SYN2: variants seen among roughly 807,000 people sequenced by gnomAD.
The protein encoded by SYN2 is synapsin-2.
Under a neutral mutation model 50.9 loss-of-function variants are expected in SYN2, and 19 were observed. The observed-to-expected ratio is 0.37, with a 90% CI of 0.26 to 0.55. SYN2 has a LOEUF of 0.55. Ranked by LOEUF, SYN2 falls within the 20% of genes least tolerant of loss-of-function variation. The probability of loss-of-function intolerance (pLI) is 0.81; values close to 1 mark genes in which losing one functional copy is unlikely to be tolerated. For synonymous variants in SYN2, 255 were observed against 224.9 expected (o/e 1.13, Z -1.20); for missense variants, 587 against 576.4 (o/e 1.02, Z -0.19).
intron 10 of SYN2, among the ~76,000 whole-genome samples, chr3:12,176,828 A>C (rs1698083783): frequency 6.6e-6 from 1 of 152,232 alleles, no homozygotes; most frequent in Non-Finnish European, 1.5e-5. Flanking sequence ...CTGATTCCAA[A>C]AGGCAAATCT....
At chr3:12,121,750 A>G (rs1421991117) in intron 1 of SYN2, among the ~76,000 whole-genome samples, 1 of 151,536 alleles carries the variant, frequency 6.6e-6, no homozygotes, top group African/African-American at 2.4e-5. Context: ...GGAAAGAAGG[A>G]AGGAGAGAGA....
intron 7 of SYN2, among the ~76,000 whole-genome samples, chr3:12,163,167 G>A (rs988276111): frequency 3.3e-5 from 5 of 149,756 alleles, no homozygotes; most frequent in South Asian, 2.1e-4. Flanking sequence ...GCATGAACCC[G>A]GAAGGCAGAG....
At chr3:12,120,379 C>T (rs910384852) in intron 1 of SYN2, among the ~76,000 whole-genome samples, 4 of 152,148 alleles carry the variant, frequency 2.6e-5, no homozygotes, top group Non-Finnish European at 5.9e-5. Flanking sequence ...CAGAGTCTAC[C>T]TCTCCTTCCC....
chr3:12,033,473 G>A (rs888800570), intron 1 of SYN2, among the ~76,000 whole-genome samples: 2 of 151,578 alleles, frequency 1.3e-5, no homozygotes, highest in African/African-American at 2.4e-5. Context: ...ACTAGGGTAC[G>A]AGAGACTAAT....
intron 1 of SYN2, among the ~76,000 whole-genome samples, chr3:12,043,791 C>T (rs564414467): frequency 6.6e-6 from 1 of 152,112 alleles, no homozygotes; most frequent in African/African-American, 2.4e-5. Flanking sequence ...TGTCTTCCCC[C>T]ACGTCTGTAC....
intron 1 of SYN2, among the ~76,000 whole-genome samples, chr3:12,066,773 A>G (rs767572581): frequency 6.6e-6 from 1 of 152,190 alleles, no homozygotes; most frequent in Non-Finnish European, 1.5e-5. Flanking sequence ...ACACTGCTAT[A>G]AAGAACTACC....
At chr3:12,076,180 G>C (rs887732856) in intron 1 of SYN2, among the ~76,000 whole-genome samples, 9 of 152,098 alleles carry the variant, frequency 5.9e-5, no homozygotes, top group Middle Eastern at 6.8e-3. Flanking sequence ...TAAGCGCTGG[G>C]GAAAAGCAGT....
At chr3:12,040,666 A>G (rs993774232) in intron 1 of SYN2, among the ~76,000 whole-genome samples, 6 of 152,038 alleles carry the variant, frequency 3.9e-5, no homozygotes, top group Admixed American at 2.6e-4. Flanking sequence ...TTGTAAGGCC[A>G]TGAGTGTTCT....
intron 7 of SYN2, among the ~76,000 whole-genome samples, chr3:12,166,492 C>G (rs897614897): frequency 1.3e-5 from 2 of 152,184 alleles, no homozygotes; most frequent in Admixed American, 1.3e-4. Context: ...AGTAATCCAC[C>G]TCCTATTTAG....
intron 11 of SYN2, chr3:12,184,399 A>G (rs1698295427): frequency 8.1e-6 from 8 of 985,800 alleles, no homozygotes; most frequent in Non-Finnish European, 9.6e-6. Context: ...TTCCTTGGCA[A>G]TGTTGGACAT....
intron 1 of SYN2, among the ~76,000 whole-genome samples, chr3:12,095,691 G>GGCT (rs1388074588): frequency 4.0e-5 from 6 of 148,524 alleles, no homozygotes; most frequent in South Asian, 4.4e-4. Context: ...CCTACTTGGT[G>GGCT]GCTGCTCTTT....
At chr3:12,148,031 G>A (rs1231786732) in intron 4 of SYN2, among the ~76,000 whole-genome samples, 1 of 152,156 alleles carries the variant, frequency 6.6e-6, no homozygotes, top group East Asian at 1.9e-4. Context: ...GGAGAATGGC[G>A]TGAACCCGGG....
chr3:12,015,576 A>G (rs529514812), intron 1 of SYN2, among the ~76,000 whole-genome samples: 27 of 152,344 alleles, frequency 1.8e-4, no homozygotes, highest in Admixed American at 1.6e-3. Context: ...ATCTTTTTAT[A>G]AAGTGTAAAG....
intron 1 of SYN2, among the ~76,000 whole-genome samples, chr3:12,024,791 G>A (rs1317834664): frequency 6.6e-6 from 1 of 152,044 alleles, no homozygotes; most frequent in Non-Finnish European, 1.5e-5. Context: ...ATTCCTGCTG[G>A]GTGTGTACCC....
At chr3:12,152,095 A>G (rs1217012149) in intron 5 of SYN2, among the ~76,000 whole-genome samples, 1 of 152,158 alleles carries the variant, frequency 6.6e-6, no homozygotes, top group Non-Finnish European at 1.5e-5. Context: ...AAGCATTCCA[A>G]GTGGAACAGA....
At chr3:12,113,914 G>A (rs796122268) in intron 1 of SYN2, among the ~76,000 whole-genome samples, 16 of 152,080 alleles carry the variant, frequency 1.1e-4, no homozygotes, top group East Asian at 5.8e-4. Context: ...GAACATTCAT[G>A]TACAAGTTTT....
chr3:12,110,265 G>A (rs535855090), intron 1 of SYN2, among the ~76,000 whole-genome samples: 5 of 152,238 alleles, frequency 3.3e-5, no homozygotes, highest in South Asian at 4.2e-4. Context: ...TCTCACATCC[G>A]GATCACATGG....
In SYN2 at chr3:12,152,890, C is replaced by A. The variant is rs573453351; in HGVS notation, c.774+1564C>A. Among the ~76,000 whole-genome samples, 6 of 152,234 alleles carry A rather than the reference C, an allele frequency of 3.9e-5. No homozygotes were observed. In the East Asian group the frequency reaches 9.7e-4, roughly 25 times the overall value. On this transcript the variant is annotated intron_variant, in intron 5 of 12. Transcript: ENST00000621198. ...AAAGAGGTGTGCTAACCAGGTGGGA[C>A]CCTCTGCCAGAAATGGTATAGAGGG...
chr3:12,117,734 C>T (rs1202087947), intron 1 of SYN2, among the ~76,000 whole-genome samples: 1 of 152,254 alleles, frequency 6.6e-6, no homozygotes, highest in Admixed American at 6.5e-5. Context: ...ATCTTCTCCT[C>T]TGTGTCTGCT....
Sources: allele counts gnomAD v4.1 joint callset (sites outside exome capture counted in the v4.1 genomes callset), GRCh38; gene constraint gnomAD v4.1.1; transcripts MANE v1.5; gene names NCBI Gene and HGNC (gene_info 2026-07-23, HGNC 2026-07-21).